The following ERC2 variants were observed in gnomAD, a reference collection of about 807,000 sequenced individuals.
The protein encoded by ERC2 is ERC protein 2.
ERC2 carries 42 observed loss-of-function variants against 114.8 expected under a neutral mutation model. The observed-to-expected ratio is 0.37, with a 90% CI of 0.29 to 0.47. The LOEUF (loss-of-function observed/expected upper bound fraction) is 0.47. Ranked by LOEUF, ERC2 falls within the 20% of genes least tolerant of loss-of-function variation. The probability of loss-of-function intolerance (pLI) is 0.99; values close to 1 mark genes in which losing one functional copy is unlikely to be tolerated. For missense variants in ERC2, 939 were observed against 1,150.7 expected, an observed-to-expected ratio of 0.82 and a Z score of 2.66; for synonymous variants, 454 against 425.5, an observed-to-expected ratio of 1.07 and a Z score of -0.82.
At chr3:56,465,728 AT>A (rs1205924852) in intron 1 of ERC2, among the ~76,000 whole-genome samples, 5 of 150,728 alleles carry the variant, frequency 3.3e-5, no homozygotes, top group Non-Finnish European at 7.5e-5. Flanking sequence ...TATGTGTTAT[AT>A]TTTTTATATT....
At chr3:56,451,695 T>A (rs551578798) in intron 1 of ERC2, among the ~76,000 whole-genome samples, 1 of 152,326 alleles carries the variant, frequency 6.6e-6, no homozygotes, top group East Asian at 1.9e-4. Flanking sequence ...GGTAGGCTTA[T>A]CTAACATAAA....
intron 12 of ERC2, among the ~76,000 whole-genome samples, chr3:55,952,109 T>G (rs1355169244): frequency 6.9e-6 from 1 of 145,630 alleles, no homozygotes; most frequent in African/African-American, 2.5e-5. Flanking sequence ...GACCACCCTG[T>G]GCAACATAGC....
intron 13 of ERC2, among the ~76,000 whole-genome samples, chr3:55,946,060 C>T (rs778148833): frequency 1.3e-5 from 2 of 150,008 alleles, no homozygotes; most frequent in African/African-American, 2.5e-5. Context: ...ATAGCTAGAG[C>T]TTTAAAAAGA....
At chr3:55,770,707 T>A (rs533416290) in intron 14 of ERC2, among the ~76,000 whole-genome samples, 1 of 152,320 alleles carries the variant, frequency 6.6e-6, no homozygotes, top group East Asian at 1.9e-4. Flanking sequence ...GCAGGTTTGT[T>A]ACATAGGTAC....
At chr3:56,419,044 T>G (rs2061283802) in intron 2 of ERC2, among the ~76,000 whole-genome samples, 1 of 152,224 alleles carries the variant, frequency 6.6e-6, no homozygotes, top group Admixed American at 6.5e-5. Context: ...TATCACTGCT[T>G]CATTCCTTAT....
chr3:55,948,340 G>GCC (rs1322646557), intron 13 of ERC2, among the ~76,000 whole-genome samples: 1 of 152,176 alleles, frequency 6.6e-6, no homozygotes, highest in African/African-American at 2.4e-5. Context: ...CCACCAACCA[G>GCC]CCAAGCTAAA....
chr3:56,149,000 G>C lies in ERC2; in HGVS notation c.1282C>G (p.His428Asp), dbSNP rs2081285408. The C allele has an allele frequency of 1.9e-6, 3 of 1,613,180 alleles. No homozygotes were observed. The Admixed American group carries it at 5.0e-5, about 27-fold the overall frequency. Residue 428 changes from histidine (H) to aspartate (D), a missense_variant, in exon 5 of 18, where the codon CAC becomes GAC. Physicochemically the swap from His to Asp is moderately conservative, Grantham distance 81. Transcript: ENST00000288221. ...ACCTTGGTCTTCATAAACTTGGAGT[G>C]ACTTTTGTAAACCTCAATTTGTTTG... ...EIKQIEVYKSHSKFMKTKIDQ... is the reference protein window; with the variant it reads ...EIKQIEVYKSDSKFMKTKIDQ...
intron 14 of ERC2, among the ~76,000 whole-genome samples, chr3:55,866,421 G>C (rs537693423): frequency 6.6e-6 from 1 of 152,030 alleles, no homozygotes; most frequent in Non-Finnish European, 1.5e-5. Context: ...ATTGTAGTTT[G>C]TCTCTTCTTG....
chr3:55,879,138 C>T (rs17056086), intron 14 of ERC2, among the ~76,000 whole-genome samples: 19,233 of 113,264 alleles, frequency 0.17, 1,863 homozygotes, highest in African/African-American at 0.33. Flanking sequence ...CAAATTAAGT[C>T]CCTCAAGGGA....
At position 55,631,305 on chromosome 3, in the gene ERC2, G is replaced by A. The variant is rs529821545; in HGVS notation, c.*39+52489C>T. ...CCAAGCTCCTAAATATTGGGAAAAGGAAGAAAGGCTGAAAAAGAGCAAGGG... is the reference window on the plus strand; with the variant it reads ...CCAAGCTCCTAAATATTGGGAAAAGAAAGAAAGGCTGAAAAAGAGCAAGGG... On this transcript the variant is annotated intron_variant, in intron 17 of 17. Coordinates refer to ENST00000288221, the MANE Select transcript of ERC2 (RefSeq NM_015576.3). Among the ~76,000 whole-genome samples, 3 of 152,266 alleles carry A rather than the reference G, an allele frequency of 2.0e-5. No individual in the cohort carries two copies. The East Asian group carries it at 5.8e-4, about 29-fold the overall frequency.
At chr3:56,168,847 C>T (rs184747978) in intron 4 of ERC2, among the ~76,000 whole-genome samples, 343 of 152,286 alleles carry the variant, frequency 2.3e-3, no homozygotes, top group Non-Finnish European at 3.6e-3. Flanking sequence ...TTAACCTCTG[C>T]ATTAAAGTTG....
chr3:55,598,411 A>T (rs1299672850), intron 17 of ERC2, among the ~76,000 whole-genome samples: 1 of 152,252 alleles, frequency 6.6e-6, no homozygotes, highest in Non-Finnish European at 1.5e-5. Context: ...CACATCCATG[A>T]AATGCTCATA....
At chr3:56,206,377 A>G (rs894656876) in intron 3 of ERC2, among the ~76,000 whole-genome samples, 3 of 152,196 alleles carry the variant, frequency 2.0e-5, no homozygotes, top group Non-Finnish European at 4.4e-5. Context: ...CCAAATGACA[A>G]AACATTTCAT....
chr3:55,785,054 G>A (rs1435355840), intron 14 of ERC2, among the ~76,000 whole-genome samples: 1 of 152,126 alleles, frequency 6.6e-6, no homozygotes, highest in African/African-American at 2.4e-5. Context: ...TGGAGGGCTC[G>A]GAAAGGGCAA....
At chr3:55,541,688 AC>A (rs2054404583) in intron 17 of ERC2, among the ~76,000 whole-genome samples, 1 of 152,198 alleles carries the variant, frequency 6.6e-6, no homozygotes, top group Non-Finnish European at 1.5e-5. Flanking sequence ...CTAAGCACAT[AC>A]TATACACAGA....
chr3:55,982,466 A>C (rs2070228601), intron 12 of ERC2, among the ~76,000 whole-genome samples: 1 of 139,416 alleles, frequency 7.2e-6, no homozygotes, highest in African/African-American at 2.5e-5. Context: ...AACATTAAAA[A>C]GAACACTAAA....
At chr3:56,297,443 A>T (rs1328985144) in intron 2 of ERC2, among the ~76,000 whole-genome samples, 1 of 152,224 alleles carries the variant, frequency 6.6e-6, no homozygotes, top group African/African-American at 2.4e-5. Context: ...CACCATTTTA[A>T]GCAAAGTCAG....
intron 7 of ERC2, among the ~76,000 whole-genome samples, chr3:56,052,360 C>T (rs1393423224): frequency 6.6e-6 from 1 of 152,232 alleles, no homozygotes; most frequent in African/African-American, 2.4e-5. Flanking sequence ...CGGGAAAAGG[C>T]AGCAGTATGC....
chr3:56,256,760 C>T (rs2052544036), intron 3 of ERC2, among the ~76,000 whole-genome samples: 1 of 152,108 alleles, frequency 6.6e-6, no homozygotes, highest in Non-Finnish European at 1.5e-5. Flanking sequence ...TGAATGAGTT[C>T]TCATGAGATC....
Sources: allele counts gnomAD v4.1 joint callset (sites outside exome capture counted in the v4.1 genomes callset), GRCh38; gene constraint gnomAD v4.1.1; transcripts MANE v1.5; gene names NCBI Gene and HGNC (gene_info 2026-07-23, HGNC 2026-07-21).